Variants in PLEKHA7 observed in about 807,000 individuals in gnomAD.
PLEKHA7 encodes pleckstrin homology domain containing A7.
Under a neutral mutation model 170.0 loss-of-function variants are expected in PLEKHA7, and 104 were observed. The ratio of observed to expected loss-of-function variants is 0.61; its 90% CI spans 0.52 to 0.72. The LOEUF is 0.72. Among genes scored for constraint, PLEKHA7 ranks in the 30% least tolerant of loss-of-function variants. The probability of loss-of-function intolerance (pLI) is 0.00; values close to 1 mark genes in which losing one functional copy is unlikely to be tolerated. For synonymous variants in PLEKHA7, 648 were observed against 660.8 expected, an observed-to-expected ratio of 0.98 and a Z score of 0.30; for missense variants, 1,615 against 1,671.7, an observed-to-expected ratio of 0.97 and a Z score of 0.59.
chr11:16,781,629 G>C (rs1162448923), intron 26 of PLEKHA7, among the ~76,000 whole-genome samples: 2 of 152,314 alleles, frequency 1.3e-5, no homozygotes, highest in South Asian at 4.1e-4. Flanking sequence ...GGACAGCCAA[G>C]ATTTCAAGGA....
rs527421744 is a variant in PLEKHA7 at position 16,855,253 on chromosome 11, A to G, written c.418-260T>C. On this transcript the variant is annotated intron_variant, in intron 5 of 26. Coordinates refer to ENST00000531066, the MANE Select transcript of PLEKHA7 (RefSeq NM_001329630.2). ...AAAAGGAATTTTTCAATCAACTTTC[A>G]GCAGCAGCTGTTGGCTGTAATATGT... Among the ~76,000 whole-genome samples the G allele has an allele frequency of 5.9e-5, 9 of 152,288 alleles. No individual in the cohort carries two copies. The South Asian group carries it at 1.9e-3, about 32-fold the overall frequency.
chr11:16,900,477 A>G (rs1857259610), intron 3 of PLEKHA7, among the ~76,000 whole-genome samples: 1 of 152,232 alleles, frequency 6.6e-6, no homozygotes, highest in Admixed American at 6.5e-5. Context: ...ATACTTGGAC[A>G]ATAAAATGGA....
chr11:16,924,758 G>T (rs2136275488), intron 3 of PLEKHA7, among the ~76,000 whole-genome samples: 1 of 152,296 alleles, frequency 6.6e-6, no homozygotes, highest in East Asian at 1.9e-4. Context: ...AAGAAAGGGG[G>T]AGGCCTGCAA....
intron 3 of PLEKHA7, among the ~76,000 whole-genome samples, chr11:16,872,878 G>A (rs1854976898): frequency 6.6e-6 from 1 of 151,924 alleles, no homozygotes; most frequent in African/African-American, 2.4e-5. Flanking sequence ...ACTCCTTTAG[G>A]TACTGGGGAT....
chr11:16,799,818 G>A (rs1366648022), intron 17 of PLEKHA7, among the ~76,000 whole-genome samples: 1 of 152,180 alleles, frequency 6.6e-6, no homozygotes, highest in East Asian at 1.9e-4. Flanking sequence ...GACAAGTGCT[G>A]GGGAGAGTCT....
At chr11:16,954,886 T>G (rs1321928520) in intron 3 of PLEKHA7, among the ~76,000 whole-genome samples, 1 of 152,042 alleles carries the variant, frequency 6.6e-6, no homozygotes, top group Non-Finnish European at 1.5e-5. Context: ...GAGACGGGGT[T>G]TCACTATGTT....
chr11:16,864,123 G>A (rs1450215831), intron 4 of PLEKHA7, among the ~76,000 whole-genome samples: 1 of 152,156 alleles, frequency 6.6e-6, no homozygotes, highest in Non-Finnish European at 1.5e-5. Flanking sequence ...AAGCAGTATA[G>A]CATAGTGTTT....
At chr11:16,825,856 C>A (rs916595918) in intron 10 of PLEKHA7, among the ~76,000 whole-genome samples, 2 of 152,198 alleles carry the variant, frequency 1.3e-5, no homozygotes, top group Non-Finnish European at 2.9e-5. Context: ...GCATGGAGGC[C>A]TTGGAGGCTC....
chr11:16,802,207 G>C (rs1848639343), intron 15 of PLEKHA7, among the ~76,000 whole-genome samples: 2 of 152,150 alleles, frequency 1.3e-5, no homozygotes, highest in African/African-American at 4.8e-5. Context: ...AATGCAAAAG[G>C]AAAAAAATAC....
chr11:16,981,215 G>A (rs1863408162), intron 3 of PLEKHA7, among the ~76,000 whole-genome samples: 1 of 152,194 alleles, frequency 6.6e-6, no homozygotes, highest in South Asian at 2.1e-4. Context: ...TAGTGATGGA[G>A]GCTCTTATCA....
chr11:16,882,879 C>T (rs1590452716), intron 3 of PLEKHA7, among the ~76,000 whole-genome samples: 1 of 134,154 alleles, frequency 7.5e-6, no homozygotes, highest in Admixed American at 7.4e-5. Flanking sequence ...CACATACACA[C>T]ACACACACAG....
chr11:16,834,846 G>A (rs1279549912), intron 9 of PLEKHA7, among the ~76,000 whole-genome samples: 5 of 152,154 alleles, frequency 3.3e-5, no homozygotes, highest in African/African-American at 7.2e-5. Flanking sequence ...TTGGGGGGGC[G>A]GGGGCAGAGA....
At position 16,877,072 on chromosome 11, in the gene PLEKHA7, T is replaced by C. The variant is rs1289598476; in HGVS notation, c.222-5890A>G. ...AACAGCTTAAAATGTAAGAAAAGTA[T>C]CTGGCCTAAAAGTCTGAGGAGGGAC... On this transcript the variant is annotated intron_variant, in intron 3 of 26. Coordinates refer to ENST00000531066, the MANE Select transcript of PLEKHA7 (RefSeq NM_001329630.2). Among the ~76,000 whole-genome samples the C allele has an allele frequency of 2.6e-5, 4 of 152,316 alleles. No homozygotes were observed. In the East Asian group the frequency reaches 5.8e-4, roughly 22 times the overall value.
chr11:16,903,329 TA>T (rs1857454186), intron 3 of PLEKHA7, among the ~76,000 whole-genome samples: 1 of 152,158 alleles, frequency 6.6e-6, no homozygotes, highest in African/African-American at 2.4e-5. Context: ...ATGAGTACAT[TA>T]ATGAATGGAA....
intron 4 of PLEKHA7, among the ~76,000 whole-genome samples, chr11:16,867,786 T>C (rs960284162): frequency 6.6e-5 from 10 of 152,192 alleles, no homozygotes; most frequent in Non-Finnish European, 1.3e-4. Context: ...CCACCAAGGC[T>C]GGACACACTC....
intron 3 of PLEKHA7, among the ~76,000 whole-genome samples, chr11:16,996,686 C>T (rs981323674): frequency 6.6e-6 from 1 of 152,160 alleles, no homozygotes; most frequent in African/African-American, 2.4e-5. Context: ...CCTGTAATCC[C>T]AGCACTTTGG....
At chr11:16,812,774 C>G (rs1326090284) in intron 13 of PLEKHA7, among the ~76,000 whole-genome samples, 1 of 152,136 alleles carries the variant, frequency 6.6e-6, no homozygotes, top group African/African-American at 2.4e-5. Context: ...ATTAGTGAAC[C>G]AAACATACAC....
intron 3 of PLEKHA7, among the ~76,000 whole-genome samples, chr11:16,932,829 C>A (rs1206320155): frequency 6.6e-6 from 1 of 152,114 alleles, no homozygotes; most frequent in Admixed American, 6.6e-5. Context: ...GAAGAGCTGT[C>A]CTGGCACAAG....
rs760192362 is a variant in PLEKHA7, at chr11:16,817,119, C to T, written c.1547G>A (p.Arg516Gln). ...KMSSEERRAH[R>Q]DGTVWQLYEW... ...GTAGAGCTGCCACACGGTGCCATCC[C>T]GGTGCGCCCGGCGCTCTTCACTCGA... Residue 516 changes from arginine to glutamine, a missense_variant, in exon 11 of 27, where the codon CGG becomes CAG. By Grantham distance (43) the Arg-to-Gln change is conservative. Transcript: ENST00000531066. This position sits in a 1 kb window ranked among gnomAD's most constrained non-coding sequence, Gnocchi z 4.4. 11 of 1,614,014 alleles carry T rather than the reference C, an allele frequency of 6.8e-6. No individual in the cohort carries two copies. The highest frequency in any genetic ancestry group is 2.2e-5 in the East Asian group (1 of 44,892).
Sources: allele counts gnomAD v4.1 joint callset (sites outside exome capture counted in the v4.1 genomes callset), GRCh38; gene constraint gnomAD v4.1.1; non-coding constraint Gnocchi (gnomAD v3.1); transcripts MANE v1.5; gene names NCBI Gene and HGNC (gene_info 2026-07-23, HGNC 2026-07-21).